The following SORL1 variants were observed in gnomAD, a reference collection of about 807,000 sequenced individuals.
SORL1 encodes sortilin-related receptor.
In SORL1, 127 loss-of-function variants were observed where a neutral mutation model predicts 273.7. That is an observed-to-expected ratio of 0.46 (90% CI 0.40 to 0.54). The LOEUF is 0.54. SORL1 is among the 20% of genes least tolerant of loss of function. The pLI, the probability that SORL1 is intolerant of heterozygous loss-of-function variation, is 0.00. For missense variants in SORL1, 2,494 were observed against 2,846.1 expected, an observed-to-expected ratio of 0.88 and a Z score of 2.81; for synonymous variants, 1,031 against 1,067.4, an observed-to-expected ratio of 0.97 and a Z score of 0.66.
At chr11:121,486,874 C>T (rs146800913) in intron 3 of SORL1, among the ~76,000 whole-genome samples, 60 of 152,170 alleles carry the variant, frequency 3.9e-4, no homozygotes, top group Middle Eastern at 3.4e-3. Flanking sequence ...GGTGGGATGA[C>T]CTCCTGAGCC....
Position 121,619,801 on chromosome 11 carries a change from G to A in SORL1, c.5773G>A (p.Val1925Met). 6.2e-7 allele frequency: 1 copy of A among 1,614,162 alleles called. No homozygotes were observed. The highest frequency in any genetic ancestry group is 1.7e-5 in the Admixed American group (1 of 60,022). ...YQGPSSDYVV[V>M]KMIPDSRLPP... is the part of the protein sequence containing the mutation. ...GGGGCCATCCTCTGACTACGTTGTA[G>A]TGAAGATGATCCCGGACAGCAGGCT... Residue 1925 changes from valine (V) to methionine (M), a missense_variant, in exon 43 of 48, where the codon GTG (valine) becomes ATG (methionine). This residue lies in a region of SORL1 where 1,609 missense variants were observed against 1,816.4 expected (regional missense o/e 0.89). Coordinates refer to ENST00000260197, the MANE Select transcript of SORL1 (RefSeq NM_003105.6).
chr11:121,600,899 C>CTT (rs11218357), intron 32 of SORL1, among the ~76,000 whole-genome samples: 6 of 151,370 alleles, frequency 4.0e-5, no homozygotes, highest in African/African-American at 1.5e-4. Context: ...ATTTAAGGCT[C>CTT]TTTTTTTTTA....
chr11:121,570,113 T>C (rs755545729), intron 22 of SORL1, 44 bp from the exon 23 acceptor site: 1 of 1,300,932 alleles, frequency 7.7e-7, no homozygotes, highest in Admixed American at 1.7e-5. Context: ...GCAGTAAGAA[T>C]AATATTGGTT....
intron 31 of SORL1, among the ~76,000 whole-genome samples, chr11:121,592,959 C>T (rs531169630): frequency 4.9e-4 from 75 of 152,262 alleles, no homozygotes; most frequent in African/African-American, 1.5e-3. Context: ...CTTTTTTGTG[C>T]GCAGTGCTGG....
intron 32 of SORL1, among the ~76,000 whole-genome samples, chr11:121,603,435 C>A (rs1376909971): frequency 6.6e-6 from 1 of 152,358 alleles, no homozygotes; most frequent in African/African-American, 2.4e-5. Flanking sequence ...CACCTTTTCT[C>A]TTTTCAGGAG....
Position 121,497,060 on chromosome 11 carries a change from T to G in SORL1, c.939+11T>G. On this transcript the variant is annotated intron_variant, in intron 6 of 47. Coordinates refer to ENST00000260197, the MANE Select transcript of SORL1 (RefSeq NM_003105.6). ...GCTACAAAGGTGGTGGTAAGTTGAA[T>G]GTACTAAAGAATAAACTACTTTTGA... 3 of 1,608,674 alleles carry G rather than the reference T, an allele frequency of 1.9e-6. No homozygotes were observed. The highest frequency in any genetic ancestry group is 2.5e-6 in the Non-Finnish European group (3 of 1,177,664).
chr11:121,467,154 C>G (rs1398732060), intron 1 of SORL1, among the ~76,000 whole-genome samples: 2 of 151,688 alleles, frequency 1.3e-5, no homozygotes, highest in South Asian at 2.1e-4. Flanking sequence ...CTCAGCCTGC[C>G]GAGTAGCTGG....
At chr11:121,455,566 G>C (rs566005928) in intron 1 of SORL1, among the ~76,000 whole-genome samples, 28 of 152,360 alleles carry the variant, frequency 1.8e-4, no homozygotes, top group African/African-American at 6.5e-4. Context: ...GGTAAACTAG[G>C]CTTGGTTATT....
chr11:121,488,137 C>T lies in SORL1; in HGVS notation c.634C>T (p.His212Tyr). 6.2e-7 allele frequency: 1 copy of T among 1,614,176 alleles called. No individual in the cohort carries two copies. The highest frequency in any genetic ancestry group is 8.5e-7 in the Non-Finnish European group (1 of 1,180,038). ...IPFRAADLLL[H>Y]SKASNLLLGF... ...ATTTCGGGCAGCTGATCTCCTCCTA[C>T]ACAGTAAGGCCTCCAACCTTCTCTT... is the stretch of plus-strand genomic sequence containing the variant. Residue 212 changes from histidine (H) to tyrosine (Y), a missense_variant, in exon 4 of 48, where the codon CAC (histidine) becomes TAC (tyrosine). This residue lies in a region of SORL1 where 710 missense variants were observed against 882.5 expected (regional missense o/e 0.80). Transcript: ENST00000260197.
chr11:121,577,037 A>G (rs1467007195), intron 24 of SORL1: 1 of 1,274,148 alleles, frequency 7.8e-7, no homozygotes, highest in South Asian at 1.3e-5. Context: ...TGTTGTCAAG[A>G]GGCAAGCAGC....
At chr11:121,613,172 G>A (rs1647996320) in intron 40 of SORL1, among the ~76,000 whole-genome samples, 1 of 152,240 alleles carries the variant, frequency 6.6e-6, no homozygotes, top group Admixed American at 6.5e-5. Flanking sequence ...ACAGTTACCT[G>A]TCTGTCCTTT....
Position 121,550,743 on chromosome 11 carries a change from C to T in SORL1, c.2266+73C>T, listed in dbSNP as rs369474660. ...GCAGTATCACGATCTCACCCAAGTC[C>T]GGGCTTGTGGCTCCTTTAATTGAGT... On this transcript the variant is annotated intron_variant, in intron 16 of 47. Coordinates refer to ENST00000260197, the MANE Select transcript of SORL1 (RefSeq NM_003105.6). The surrounding 1 kb of genome is among the most constrained non-coding windows in gnomAD (Gnocchi z 5.3). 5.4e-5 allele frequency: 64 copies of T among 1,193,054 alleles called. No homozygotes were observed. In the Admixed American group the frequency reaches 7.7e-4, roughly 14 times the overall value. 73.9% of individuals were successfully genotyped at this position (1,193,054 alleles called of 1,614,324 possible).
intron 1 of SORL1, among the ~76,000 whole-genome samples, chr11:121,460,118 G>A (rs764948376): frequency 5.9e-5 from 9 of 152,304 alleles, no homozygotes; most frequent in Admixed American, 3.3e-4. Flanking sequence ...CATTTGTGCC[G>A]TGTAGAGACC....
intron 5 of SORL1, among the ~76,000 whole-genome samples, chr11:121,494,267 G>A (rs370881752): frequency 5.9e-5 from 9 of 152,256 alleles, no homozygotes; most frequent in African/African-American, 2.2e-4. Context: ...TGTCGGTTAG[G>A]GGATTTTAGG....
intron 1 of SORL1, among the ~76,000 whole-genome samples, chr11:121,458,998 C>T (rs1860949749): frequency 6.6e-6 from 1 of 152,178 alleles, no homozygotes; most frequent in South Asian, 2.1e-4. Flanking sequence ...ATGGTAACAT[C>T]CATGCCCATA....
chr11:121,531,066 T>A (rs1453577341), intron 11 of SORL1, among the ~76,000 whole-genome samples: 1 of 152,220 alleles, frequency 6.6e-6, no homozygotes, highest in Non-Finnish European at 1.5e-5. Context: ...CGTGTATTTT[T>A]CTTTCCCTCA....
At chr11:121,603,408 C>T (rs1399488231) in intron 32 of SORL1, among the ~76,000 whole-genome samples, 1 of 152,252 alleles carries the variant, frequency 6.6e-6, no homozygotes, top group Non-Finnish European at 1.5e-5. Flanking sequence ...AGCAGATTTG[C>T]TGTCTACAGC....
intron 2 of SORL1, among the ~76,000 whole-genome samples, chr11:121,473,114 A>G (rs1861197936): frequency 6.6e-6 from 1 of 152,244 alleles, no homozygotes; most frequent in East Asian, 1.9e-4. Flanking sequence ...TAAAAAGTTA[A>G]TGTGAAAAGA....
Position 121,558,585 on chromosome 11 carries a change from C to T in SORL1, c.2664-6C>T, listed in dbSNP as rs376223202. 9.3e-5 allele frequency: 150 copies of T among 1,613,870 alleles called. No individual in the cohort carries two copies. The highest frequency in any genetic ancestry group is 1.2e-4 in the Non-Finnish European group (142 of 1,179,960). On this transcript the variant is annotated splice_polypyrimidine_tract_variant and splice_region_variant and intron_variant, in intron 19 of 47. Transcript: ENST00000260197. ...GAGGTATGTGTTCTGTCCCCATTTTCGCTAGGGTGATGTTCTGGACAGACT... is the reference window on the plus strand; with the variant it reads ...GAGGTATGTGTTCTGTCCCCATTTTTGCTAGGGTGATGTTCTGGACAGACT...
Sources: allele counts gnomAD v4.1 joint callset (sites outside exome capture counted in the v4.1 genomes callset), GRCh38; gene constraint gnomAD v4.1.1; regional missense constraint gnomAD v4.1.1; non-coding constraint Gnocchi (gnomAD v3.1); transcripts MANE v1.5; gene names NCBI Gene and HGNC (gene_info 2026-07-23, HGNC 2026-07-21).